Variants in WDR20 observed in about 807,000 individuals in gnomAD.
WDR20 encodes WD repeat-containing protein 20.
A neutral mutation model predicts 38.7 loss-of-function variants in WDR20; 3 were observed. That is an observed-to-expected ratio of 0.08 (90% CI 0.04 to 0.20). The LOEUF (loss-of-function observed/expected upper bound fraction) is 0.20. Ranked by LOEUF, WDR20 falls within the 10% of genes least tolerant of loss-of-function variation. WDR20 has a pLI of 1.00. For synonymous variants in WDR20, 298 were observed against 285.6 expected (o/e 1.04, Z -0.44); for missense variants, 559 against 727.7 (o/e 0.77, Z 2.67).
At chr14:102,200,456 A>ATTTT (rs1460888139) in intron 2 of WDR20, among the ~76,000 whole-genome samples, 9 of 76,748 alleles carry the variant, frequency 1.2e-4, no homozygotes, top group Admixed American at 8.7e-4. Context: ...TTACTTTTTA[A>ATTTT]ATTTTTTTTT....
At chr14:102,151,173 ATTTTTT>A (rs534503694) in intron 1 of WDR20, among the ~76,000 whole-genome samples, 5 of 111,530 alleles carry the variant, frequency 4.5e-5, no homozygotes, top group African/African-American at 7.9e-5. Flanking sequence ...CCATTGGGGA[ATTTTTT>A]TTTTTTTTTT....
intron 1 of WDR20, among the ~76,000 whole-genome samples, chr14:102,171,858 C>T (rs139905100): frequency 1.4e-4 from 21 of 150,006 alleles, no homozygotes; most frequent in African/African-American, 3.2e-4. Context: ...ATAATGCTAA[C>T]GAAATAGGGA....
chr14:102,218,669 G>T (rs182850361), downstream of WDR20, among the ~76,000 whole-genome samples: 12 of 151,976 alleles, frequency 7.9e-5, no homozygotes, highest in East Asian at 2.3e-3. Flanking sequence ...ATTTTGAACT[G>T]AAGTCTCTAG....
At position 102,220,330 on chromosome 14, in the gene WDR20, A is replaced by G. The variant is rs143974015; in HGVS notation, c.1693-2500A>G. 0.012 allele frequency among the ~76,000 whole-genome samples: 1,783 copies of G among 152,338 alleles called. 14 individuals carry two copies. Among genetic ancestry groups the G allele is most frequent in the Middle Eastern group, 0.041 (12 of 294 alleles). On this transcript the variant is annotated intron_variant, in intron 3 of 3. Coordinates refer to the WDR20 transcript ENST00000335263. This position sits in a 1 kb window ranked among gnomAD's most constrained non-coding sequence, Gnocchi z 4.2. Reference sequence around the variant, plus strand: ...GGGCCAGTCCAACCTGAAAAGTGCCATAACGTGTCAACCACACAGCACACC... The same window carrying G: ...GGGCCAGTCCAACCTGAAAAGTGCCGTAACGTGTCAACCACACAGCACACC...
intron 1 of WDR20, among the ~76,000 whole-genome samples, chr14:102,165,027 C>T (rs1200590269): frequency 6.6e-6 from 1 of 152,240 alleles, no homozygotes; most frequent in Non-Finnish European, 1.5e-5. Flanking sequence ...CTGCCACTGG[C>T]AGCTTAAGAT....
intron 1 of WDR20, among the ~76,000 whole-genome samples, chr14:102,191,945 A>G (rs1373524344): frequency 1.3e-5 from 2 of 152,244 alleles, no homozygotes; most frequent in Admixed American, 6.5e-5. Flanking sequence ...ACTGAAAAAG[A>G]CATACAGAAT....
At chr14:102,149,354 A>G (rs1279252085) in intron 1 of WDR20, among the ~76,000 whole-genome samples, 1 of 152,082 alleles carries the variant, frequency 6.6e-6, no homozygotes, top group East Asian at 1.9e-4. Context: ...TCATTATAAT[A>G]CAAAGTAGAG....
chr14:102,186,965 G>C (rs1265602360), intron 1 of WDR20, among the ~76,000 whole-genome samples: 2 of 145,520 alleles, frequency 1.4e-5, no homozygotes, highest in Non-Finnish European at 3.0e-5. Context: ...AAAAAAAAAA[G>C]TTCCACCAAG....
intron 1 of WDR20, among the ~76,000 whole-genome samples, chr14:102,150,541 C>G (rs2055431528): frequency 6.6e-6 from 1 of 152,164 alleles, no homozygotes; most frequent in Non-Finnish European, 1.5e-5. Context: ...TAGATTATTG[C>G]TCTGCCATGA....
chr14:102,185,016 TAAGA>T lies in WDR20; in HGVS notation c.250-9917_250-9914del, dbSNP rs150701831. Among the ~76,000 whole-genome samples, 1,006 of 152,282 alleles carry T rather than the reference TAAGA, an allele frequency of 6.6e-3. 10 individuals carry two copies. The highest frequency in any genetic ancestry group is 0.023 in the African/African-American group (955 of 41,548). ...TTGAGAATGAAGGAGGAATGGAAACTAAGAAAGAGAAGCTACTGTTTTGTTTTGG... is the reference window on the plus strand; with the variant it reads ...TTGAGAATGAAGGAGGAATGGAAACTAAGAGAAGCTACTGTTTTGTTTTGG... On this transcript the variant is annotated intron_variant, in intron 1 of 2. Transcript: ENST00000342702.
At chr14:102,192,961 C>A (rs891827853) in intron 1 of WDR20, among the ~76,000 whole-genome samples, 1 of 151,176 alleles carries the variant, frequency 6.6e-6, no homozygotes, top group Non-Finnish European at 1.5e-5. Context: ...GCATGCACCA[C>A]CACACCTAGC....
chr14:102,206,846 C>T (rs1301138405), intron 2 of WDR20, among the ~76,000 whole-genome samples: 3 of 152,124 alleles, frequency 2.0e-5, no homozygotes, highest in Admixed American at 2.0e-4. Flanking sequence ...CTTAATCCAC[C>T]GTTCACCATC....
intron 1 of WDR20, among the ~76,000 whole-genome samples, chr14:102,157,895 A>G (rs1056622056): frequency 1.6e-4 from 24 of 151,846 alleles, no homozygotes; most frequent in Non-Finnish European, 2.5e-4. Context: ...TGTGTCTTAA[A>G]ATGTATTTTC....
downstream of WDR20, chr14:102,213,975 C>A (rs142602935): frequency 1.0e-6 from 1 of 985,474 alleles, no homozygotes; most frequent in African/African-American, 1.7e-5. Flanking sequence ...CAGCGTCTGG[C>A]GTCCAGCTTT....
intron 1 of WDR20, among the ~76,000 whole-genome samples, chr14:102,168,649 G>A (rs551601153): frequency 1.3e-5 from 2 of 152,206 alleles, no homozygotes; most frequent in South Asian, 2.1e-4. Context: ...ATGAAGGTGT[G>A]ACTTTTAAAA....
chr14:102,192,346 A>G (rs903607752), intron 1 of WDR20, among the ~76,000 whole-genome samples: 8 of 151,866 alleles, frequency 5.3e-5, no homozygotes, highest in Admixed American at 2.0e-4. Flanking sequence ...CGCCCGGCTA[A>G]TTTTTGTGTT....
At chr14:102,157,622 T>G (rs1302210943) in intron 1 of WDR20, among the ~76,000 whole-genome samples, 1 of 152,130 alleles carries the variant, frequency 6.6e-6, no homozygotes, top group Non-Finnish European at 1.5e-5. Context: ...TTGTCTCAAT[T>G]GCAGCAGGAA....
At chr14:102,153,416 C>G (rs934578425) in intron 1 of WDR20, among the ~76,000 whole-genome samples, 1 of 150,598 alleles carries the variant, frequency 6.6e-6, no homozygotes, top group African/African-American at 2.4e-5. Flanking sequence ...ACGCCATTCT[C>G]CTGCCTCAGC....
downstream of WDR20, chr14:102,212,430 C>T (rs1195362890): frequency 2.8e-6 from 4 of 1,424,926 alleles, no homozygotes; most frequent in Non-Finnish European, 3.8e-6. Context: ...GTCCTGACCC[C>T]TGGCTCAGCC....
Sources: allele counts gnomAD v4.1 joint callset (sites outside exome capture counted in the v4.1 genomes callset), GRCh38; gene constraint gnomAD v4.1.1; non-coding constraint Gnocchi (gnomAD v3.1); transcripts MANE v1.5; gene names NCBI Gene and HGNC (gene_info 2026-07-23, HGNC 2026-07-21).